Variants in LRGUK observed in about 807,000 individuals in gnomAD.
LRGUK encodes the protein leucine rich repeats and guanylate kinase domain containing.
Under a neutral mutation model 76.0 loss-of-function variants are expected in LRGUK, and 65 were observed. The ratio of observed to expected loss-of-function variants is 0.85; its 90% CI spans 0.70 to 1.05. The LOEUF is 1.05. Among genes scored for constraint, LRGUK ranks in the 50% least tolerant of loss-of-function variants. LRGUK has a pLI of 0.00. For missense variants in LRGUK, 758 were observed against 732.8 expected, an observed-to-expected ratio of 1.03 and a Z score of -0.40; for synonymous variants, 268 against 265.6, an observed-to-expected ratio of 1.01 and a Z score of -0.09.
intron 2 of LRGUK, among the ~76,000 whole-genome samples, chr7:134,138,654 C>T (rs1398827589): frequency 1.3e-5 from 2 of 152,110 alleles, no homozygotes; most frequent in Non-Finnish European, 2.9e-5. Context: ...TATATGAGAA[C>T]GTGCTTATAA....
chr7:134,158,325 T>C (rs1221343066), intron 6 of LRGUK, among the ~76,000 whole-genome samples, 166 bp downstream of exon 6: 1 of 152,198 alleles, frequency 6.6e-6, no homozygotes, highest in African/African-American at 2.4e-5. Flanking sequence ...TGTGTGTGTG[T>C]GTGGTTGTGA....
intron 12 of LRGUK, 146 bp from the exon 13 acceptor site, chr7:134,196,846 C>T: frequency 4.2e-6 from 2 of 474,194 alleles, no homozygotes; most frequent in Non-Finnish European, 7.4e-6. Context: ...AATTAAGTTT[C>T]ATTTACCCCA....
At chr7:134,257,198 G>A (rs949623881) in intron 18 of LRGUK, among the ~76,000 whole-genome samples, 3 of 152,158 alleles carry the variant, frequency 2.0e-5, no homozygotes, top group Non-Finnish European at 2.9e-5. Context: ...CTTTTAAGAC[G>A]TTGGCCCTCA....
chr7:134,202,576 G>A (rs913782635), intron 15 of LRGUK, among the ~76,000 whole-genome samples: 4 of 152,160 alleles, frequency 2.6e-5, no homozygotes, highest in Admixed American at 6.5e-5. Flanking sequence ...TAGCCAAAAG[G>A]TGGAAGGAAC....
At chr7:134,229,812 G>A (rs1038644378) in intron 16 of LRGUK, among the ~76,000 whole-genome samples, 7 of 152,178 alleles carry the variant, frequency 4.6e-5, no homozygotes, top group African/African-American at 1.7e-4. Context: ...GGAAAGTGAT[G>A]CCTTTTGTAT....
At chr7:134,208,023 A>G (rs573017305) in intron 15 of LRGUK, among the ~76,000 whole-genome samples, 1 of 152,318 alleles carries the variant, frequency 6.6e-6, no homozygotes, top group South Asian at 2.1e-4. Flanking sequence ...TCTGAGAGCC[A>G]TTTTTGAAGG....
chr7:134,175,594 T>C (rs536876158), intron 8 of LRGUK, among the ~76,000 whole-genome samples: 5 of 152,182 alleles, frequency 3.3e-5, no homozygotes, highest in South Asian at 4.2e-4. Flanking sequence ...ATACAAAACC[T>C]CTCCCCAACA....
At chr7:134,202,837 G>A (rs1474503327) in intron 15 of LRGUK, among the ~76,000 whole-genome samples, 1 of 152,198 alleles carries the variant, frequency 6.6e-6, no homozygotes, top group African/African-American at 2.4e-5. Context: ...AAGATGAAAA[G>A]AGTTCTGAGG....
intron 7 of LRGUK, among the ~76,000 whole-genome samples, chr7:134,168,996 C>T (rs1408801520): frequency 6.6e-6 from 1 of 152,038 alleles, no homozygotes; most frequent in Non-Finnish European, 1.5e-5. Context: ...AAAAGCCTAC[C>T]CTCAGGAAAC....
At chr7:134,205,832 A>G (rs542350651) in intron 15 of LRGUK, among the ~76,000 whole-genome samples, 3 of 152,348 alleles carry the variant, frequency 2.0e-5, no homozygotes, top group South Asian at 4.1e-4. Flanking sequence ...GTTTTTCCCA[A>G]TTGGATTAGG....
chr7:134,180,419 T>TA (rs1358170726), intron 10 of LRGUK, among the ~76,000 whole-genome samples: 2 of 152,284 alleles, frequency 1.3e-5, no homozygotes, highest in African/African-American at 4.8e-5. Flanking sequence ...TATCTATAGA[T>TA]AGATGGATTA....
At chr7:134,248,120 G>A (rs533709136) in intron 17 of LRGUK, among the ~76,000 whole-genome samples, 2 of 152,350 alleles carry the variant, frequency 1.3e-5, no homozygotes, top group African/African-American at 4.8e-5. Context: ...TGGATAGTCA[G>A]ATTCAAAAGA....
At chr7:134,259,365 C>T (rs749446251) in intron 19 of LRGUK, among the ~76,000 whole-genome samples, 10 of 152,014 alleles carry the variant, frequency 6.6e-5, no homozygotes, top group Non-Finnish European at 1.3e-4. Context: ...AAAGGTGGGG[C>T]GCTGTGAGTA....
chr7:134,138,158 C>T (rs747496542), intron 2 of LRGUK, among the ~76,000 whole-genome samples: 5 of 152,156 alleles, frequency 3.3e-5, no homozygotes, highest in Non-Finnish European at 5.9e-5. Flanking sequence ...GTATATAATT[C>T]CAGCAGCCAG....
At chr7:134,146,904 A>G (rs1251690918) in intron 4 of LRGUK, among the ~76,000 whole-genome samples, 1 of 152,168 alleles carries the variant, frequency 6.6e-6, no homozygotes, top group Non-Finnish European at 1.5e-5. Flanking sequence ...CCAGCAAATT[A>G]TGAATGCAGT....
In LRGUK at chr7:134,177,166, A is replaced by G. The variant is rs1799519628; in HGVS notation, c.1107+103A>G. 19 of 665,086 alleles carry G rather than the reference A, an allele frequency of 2.9e-5. No individual in the cohort carries two copies. The South Asian group carries it at 3.2e-4, about 11-fold the overall frequency. The allele number at this position is 665,086 out of a possible 1,614,324, so 41.2% of individuals were successfully genotyped here. A position where few individuals can be genotyped will look rare whatever the true frequency, so the allele number is the denominator to read the frequency against. On this transcript the variant is annotated intron_variant, in intron 9 of 15. Coordinates refer to ENST00000645682, the Ensembl canonical transcript of LRGUK. ...GCAATATAATCAATAAATAAGACAC[A>G]TAACAATATGTACATTAATTCATTT...
rs1255363763 is a variant in LRGUK, at chr7:134,158,250, T to C, written c.795+91T>C. On this transcript the variant is annotated intron_variant, in intron 6 of 15. Transcript: ENST00000645682. ...TATGACTACTTAGGATTCAAATATA[T>C]AAAGAGAAAATTCCTTCATGAAATG... is the stretch of plus-strand genomic sequence containing the variant. The C allele has an allele frequency of 1.0e-5, 12 of 1,165,308 alleles. No homozygotes were observed. In the East Asian group the frequency reaches 2.3e-4, roughly 22 times the overall value. 72.2% of individuals were successfully genotyped at this position (1,165,308 alleles called of 1,614,324 possible). A position where few individuals can be genotyped will look rare whatever the true frequency, so the allele number is the denominator to read the frequency against.
At chr7:134,217,388 C>A (rs180900639) in intron 15 of LRGUK, among the ~76,000 whole-genome samples, 2 of 152,016 alleles carry the variant, frequency 1.3e-5, no homozygotes, top group Non-Finnish European at 2.9e-5. Context: ...ACTAATTATT[C>A]CTTTGATTAG....
intron 16 of LRGUK, among the ~76,000 whole-genome samples, chr7:134,237,934 A>T (rs553648180): frequency 6.6e-6 from 1 of 152,290 alleles, no homozygotes; most frequent in East Asian, 1.9e-4. Flanking sequence ...CTCCCATTAA[A>T]TTACTCCGTT....
Sources: allele counts gnomAD v4.1 joint callset (sites outside exome capture counted in the v4.1 genomes callset), GRCh38; gene constraint gnomAD v4.1.1; transcripts MANE v1.5; gene names NCBI Gene and HGNC (gene_info 2026-07-23, HGNC 2026-07-21).